ADAP1: variants seen among roughly 807,000 people sequenced by gnomAD.
ADAP1 encodes ArfGAP with dual PH domains 1, also known as arf-GAP with dual PH domain-containing protein 1.
A neutral mutation model predicts 54.9 loss-of-function variants in ADAP1; 31 were observed. The ratio of observed to expected loss-of-function variants is 0.56; its 90% CI spans 0.42 to 0.76. The LOEUF (loss-of-function observed/expected upper bound fraction) is 0.76, where lower values mean the gene tolerates loss of function less well. ADAP1 is among the 30% of genes least tolerant of loss of function. ADAP1 has a pLI of 0.00. For synonymous variants in ADAP1, 313 were observed against 202.6 expected, an observed-to-expected ratio of 1.55 and a Z score of -4.63; for missense variants, 535 against 512.4, an observed-to-expected ratio of 1.04 and a Z score of -0.42.
At position 926,313 on chromosome 7, in the gene ADAP1, AG is replaced by A. The variant is rs1846385063; in HGVS notation, c.305+239del. Among the ~76,000 whole-genome samples, 1 of 151,894 alleles carries A rather than the reference AG, an allele frequency of 6.6e-6. No individual in the cohort carries two copies. The highest frequency in any genetic ancestry group is 1.5e-5 in the Non-Finnish European group (1 of 67,952). The stretch of plus-strand genomic sequence containing the variant: ...GCCTCAGCGAACCTGGGTGGGCTGT[AG>A]CTACTGATGCACAATGACCTTCCCA... On this transcript the variant is annotated intron_variant, in intron 3 of 10. Coordinates refer to ENST00000265846, the MANE Select transcript of ADAP1 (RefSeq NM_006869.4). The surrounding 1 kb of genome is among the most constrained non-coding windows in gnomAD (Gnocchi z 4.6).
chr7:954,421 C>A lies in ADAP1; in HGVS notation c.57G>T (p.Ala19=), dbSNP rs1341185947. ...VLELLQRPGN[A]RCADCGAPDP... is the part of the protein sequence containing the mutation. ...CCGGGGCGCCGCAGTCCGCGCAGCG[C>A]GCGTTCCCCGGCCGCTGCAGCAGCT... is the stretch of plus-strand genomic sequence containing the variant. Residue 19 remains alanine, a synonymous_variant, in exon 1 of 11, where the codon GCG becomes GCT. Coordinates refer to ENST00000265846, the MANE Select transcript of ADAP1 (RefSeq NM_006869.4). The A allele has an allele frequency of 8.8e-7, 1 of 1,140,050 alleles. No individual in the cohort carries two copies. Among genetic ancestry groups the A allele is most frequent in the Non-Finnish European group, 1.1e-6 (1 of 917,432 alleles). 70.6% of individuals were successfully genotyped at this position (1,140,050 alleles called of 1,614,324 possible).
chr7:932,058 G>A (rs959856389), intron 2 of ADAP1, among the ~76,000 whole-genome samples: 1 of 152,248 alleles, frequency 6.6e-6, no homozygotes, highest in Non-Finnish European at 1.5e-5. Context: ...GGGGGCCGGG[G>A]TGCAGGTGCT....
At chr7:929,291 CAAAAA>C (rs761570809) in intron 2 of ADAP1, among the ~76,000 whole-genome samples, 1 of 96,000 alleles carries the variant, frequency 1.0e-5, no homozygotes, top group Non-Finnish European at 2.2e-5. Context: ...GACTCCATCT[CAAAAA>C]AAAAAAAAAA....
At chr7:935,851 C>G (rs1846743957) in intron 1 of ADAP1, among the ~76,000 whole-genome samples, 1 of 152,204 alleles carries the variant, frequency 6.6e-6, no homozygotes, top group Non-Finnish European at 1.5e-5. Context: ...GAGGATGGGT[C>G]CACCTGCTTT....
chr7:913,807 C>T (rs1279057028), intron 4 of ADAP1, among the ~76,000 whole-genome samples: 1 of 152,070 alleles, frequency 6.6e-6, no homozygotes, highest in Admixed American at 6.5e-5. Flanking sequence ...TGGTGGGGGG[C>T]GCCTGTAGTC....
chr7:945,869 C>A lies in ADAP1; in HGVS notation c.82+8527G>T. 2.0e-6 allele frequency: 2 copies of A among 980,952 alleles called. No homozygotes were observed. Among genetic ancestry groups the A allele is most frequent in the Middle Eastern group, 5.3e-4 (1 of 1,902 alleles). 60.8% of individuals were successfully genotyped at this position (980,952 alleles called of 1,614,324 possible). A position where few individuals can be genotyped will look rare whatever the true frequency, so the allele number is the denominator to read the frequency against. ...CTTGGGCGGAGCCAGGTGGGGCAGG[C>A]GTGTCCCCCAAGCCAAGGCCCAGGC... is the stretch of plus-strand genomic sequence containing the variant. On this transcript the variant is annotated intron_variant, in intron 1 of 10. Coordinates refer to ENST00000265846, the MANE Select transcript of ADAP1 (RefSeq NM_006869.4). This position sits in a 1 kb window ranked among gnomAD's most constrained non-coding sequence, Gnocchi z 4.2.
chr7:920,700 C>T lies in ADAP1; in HGVS notation c.306-650G>A, dbSNP rs1006782537. On this transcript the variant is annotated intron_variant, in intron 3 of 10. Coordinates refer to ENST00000265846, the MANE Select transcript of ADAP1 (RefSeq NM_006869.4). The surrounding 1 kb of genome is among the most constrained non-coding windows in gnomAD (Gnocchi z 4.5). ...AAGCCCCCGAGAGTAAAGCCCGGGACGAGGGCCCCCCACGGCACCCACTGA... is the reference window on the plus strand; with the variant it reads ...AAGCCCCCGAGAGTAAAGCCCGGGATGAGGGCCCCCCACGGCACCCACTGA... 3.0e-5 allele frequency: 35 copies of T among 1,169,956 alleles called. No homozygotes were observed. In the East Asian group the frequency reaches 5.5e-4, roughly 18 times the overall value. The allele number at this position is 1,169,956 out of a possible 1,614,324, so 72.5% of individuals were successfully genotyped here. A position where few individuals can be genotyped will look rare whatever the true frequency, so the allele number is the denominator to read the frequency against.
chr7:913,924 G>GA (rs1172639933), intron 4 of ADAP1, among the ~76,000 whole-genome samples: 1 of 152,138 alleles, frequency 6.6e-6, no homozygotes, highest in Non-Finnish European at 1.5e-5. Flanking sequence ...AACAGAGCAG[G>GA]AAAAAACAAA....
intron 4 of ADAP1, among the ~76,000 whole-genome samples, chr7:911,671 CGGAGG>C (rs1326572637): frequency 0.46 from 145 of 314 alleles, 60 homozygotes; most frequent in East Asian, 0.9. Flanking sequence ...GGGGGTCCCA[CGGAGG>C]GCCAGGAAGG....
intron 4 of ADAP1, among the ~76,000 whole-genome samples, chr7:914,309 C>A (rs557529107): frequency 6.6e-6 from 1 of 152,332 alleles, no homozygotes; most frequent in East Asian, 1.9e-4. Flanking sequence ...CGGGCCCTGC[C>A]GCAGGGACTT....
chr7:904,810 G>A (rs539275296), intron 5 of ADAP1, among the ~76,000 whole-genome samples: 4 of 152,348 alleles, frequency 2.6e-5, no homozygotes, highest in African/African-American at 9.6e-5. Flanking sequence ...CCCACGGCTG[G>A]GCCTGAGTTC....
At chr7:949,346 T>C (rs1005441577) in intron 1 of ADAP1, among the ~76,000 whole-genome samples, 62 of 152,366 alleles carry the variant, frequency 4.1e-4, no homozygotes, top group African/African-American at 1.4e-3. Context: ...CCTCATTCTT[T>C]CATTTGCAAA....
At chr7:906,676 G>T (rs1845409360) in intron 4 of ADAP1, among the ~76,000 whole-genome samples, 1 of 90,232 alleles carries the variant, frequency 1.1e-5, no homozygotes, top group African/African-American at 5.8e-5. Context: ...AGGGGACATG[G>T]ACAGGGGACA....
intron 2 of ADAP1, among the ~76,000 whole-genome samples, chr7:933,030 G>C (rs559333195): frequency 9.6e-4 from 146 of 152,240 alleles, no homozygotes; most frequent in African/African-American, 3.5e-3. Flanking sequence ...CCAGCACTTC[G>C]GGAGGCTGAG....
intron 4 of ADAP1, among the ~76,000 whole-genome samples, chr7:911,590 A>T (rs1845725891): frequency 7.2e-6 from 1 of 138,790 alleles, no homozygotes; most frequent in Non-Finnish European, 1.6e-5. Context: ...ACGGAGGGCC[A>T]GGAAGGGGGC....
In ADAP1 at chr7:898,644, G is replaced by T. The variant is rs553273972; in HGVS notation, c.*277C>A. ...CTCGGGAGCCAGACTGGGCCCTGGA[G>T]GAAAGGGGGCCCCGGGTCAGGGAGG... On this transcript the variant is annotated 3_prime_UTR_variant, in exon 11 of 11. Coordinates refer to ENST00000265846, the MANE Select transcript of ADAP1 (RefSeq NM_006869.4). 2 of 520,244 alleles carry T rather than the reference G, an allele frequency of 3.8e-6. No homozygotes were observed. Among genetic ancestry groups the T allele is most frequent in the South Asian group, 4.1e-5 (2 of 48,626 alleles). 32.2% of individuals were successfully genotyped at this position (520,244 alleles called of 1,614,324 possible). A position where few individuals can be genotyped will look rare whatever the true frequency, so the allele number is the denominator to read the frequency against.
At chr7:924,268 A>C (rs60093709) in intron 3 of ADAP1, among the ~76,000 whole-genome samples, 2 of 55,822 alleles carry the variant, frequency 3.6e-5, no homozygotes, top group Admixed American at 2.1e-4. Flanking sequence ...CCAGGTCCAC[A>C]CTGCACCCCC....
At chr7:906,327 GGAAAGGA>G (rs1845318231) in intron 4 of ADAP1, among the ~76,000 whole-genome samples, 4 of 27,262 alleles carry the variant, frequency 1.5e-4, no homozygotes, top group African/African-American at 2.6e-4. Context: ...AAGGAGAAAG[GGAAAGGA>G]GAAAGGAGAA....
intron 4 of ADAP1, among the ~76,000 whole-genome samples, chr7:919,210 A>G (rs1217203772): frequency 6.6e-6 from 1 of 152,228 alleles, no homozygotes; most frequent in Non-Finnish European, 1.5e-5. Context: ...CCCCACCTGC[A>G]GCACAGTGTT....
Sources: gnomAD v4.1 joint callset for allele counts (sites outside exome capture counted in the v4.1 genomes callset) on GRCh38, gnomAD v4.1.1 for gene constraint, Gnocchi (gnomAD v3.1) non-coding constraint, MANE v1.5 for transcripts, NCBI Gene and HGNC (gene_info 2026-07-23, HGNC 2026-07-21) for gene names.